The following CAMK2D variants were observed in gnomAD, a reference collection of about 807,000 sequenced individuals.
The protein encoded by CAMK2D is calcium/calmodulin dependent protein kinase II delta.
CAMK2D carries 37 observed loss-of-function variants against 84.0 expected under a neutral mutation model. The ratio of observed to expected loss-of-function variants is 0.44; its 90% CI spans 0.34 to 0.58. CAMK2D has a LOEUF of 0.58. CAMK2D is among the 20% of genes least tolerant of loss of function. The pLI is 0.02. For missense variants in CAMK2D, 448 were observed against 652.5 expected (o/e 0.69, Z 3.41); for synonymous variants, 202 against 212.5 (o/e 0.95, Z 0.43).
intron 4 of CAMK2D, among the ~76,000 whole-genome samples, chr4:113,562,771 T>C (rs1157908815): frequency 4.6e-5 from 7 of 152,246 alleles, no homozygotes; most frequent in African/African-American, 1.7e-4. Flanking sequence ...GCAACTAATT[T>C]ACTGAAACTT....
In CAMK2D at chr4:113,586,319, C is replaced by G. The variant is rs556219294; in HGVS notation, c.275+22833G>C. 7.9e-4 allele frequency among the ~76,000 whole-genome samples: 121 copies of G among 152,212 alleles called. 2 individuals are homozygous for G. In the South Asian group the frequency reaches 0.021, roughly 26 times the overall value. On this transcript the variant is annotated intron_variant, in intron 4 of 20. Transcript: ENST00000511664. ...GAGGTCACCATATTGGATAAATGTG[C>G]CTGGCAATAAAGTAGAAAAGAGGAC...
chr4:113,534,870 G>A (rs1277513901), intron 7 of CAMK2D, among the ~76,000 whole-genome samples: 1 of 152,152 alleles, frequency 6.6e-6, no homozygotes, highest in African/African-American at 2.4e-5. Context: ...TCATACAGCT[G>A]TTAAGAATCA....
chr4:113,497,472 C>T (rs1298225162), intron 16 of CAMK2D, among the ~76,000 whole-genome samples: 1 of 152,210 alleles, frequency 6.6e-6, no homozygotes, highest in Non-Finnish European at 1.5e-5. Context: ...TTCTAAGGTG[C>T]TCCAGACTGA....
chr4:113,465,597 C>G lies in CAMK2D; in HGVS notation c.1143G>C (p.Lys381Asn). 2 of 1,609,640 alleles carry G rather than the reference C, an allele frequency of 1.2e-6. No homozygotes were observed. Among genetic ancestry groups the G allele is most frequent in the Non-Finnish European group, 1.7e-6 (2 of 1,176,186 alleles). Residue 381 changes from lysine (K) to asparagine (N), a missense_variant, in exon 17 of 21, where the codon AAG becomes AAC. Lys to Asn is a moderately conservative substitution (Grantham distance 94, BLOSUM62 0). Coordinates refer to ENST00000511664, the MANE Select transcript of CAMK2D (RefSeq NM_001321571.2). ...TIEDEDVKAR[K>N]QEIIKVTEQL... Reference sequence around the variant, plus strand: ...GTTCAGTGACTTTGATAATCTCTTGCTTTCGTGCTAAAGGCAAAAATATGG... The same window carrying G: ...GTTCAGTGACTTTGATAATCTCTTGGTTTCGTGCTAAAGGCAAAAATATGG...
chr4:113,731,817 CT>C (rs1306344836), intron 2 of CAMK2D, among the ~76,000 whole-genome samples: 1 of 152,096 alleles, frequency 6.6e-6, no homozygotes, highest in African/African-American at 2.4e-5. Flanking sequence ...AACTCCTGAC[CT>C]CATGATCCGC....
chr4:113,755,177 C>T (rs1406210421), intron 2 of CAMK2D: 9 of 205,062 alleles, frequency 4.4e-5, no homozygotes, highest in Non-Finnish European at 6.4e-5. Context: ...TAGGGATACA[C>T]ACACACACAC....
Position 113,661,907 on chromosome 4 carries a change from A to C in CAMK2D, c.161-135T>G. On this transcript the variant is annotated intron_variant, in intron 2 of 20. Transcript: ENST00000511664. ...TTCATTTTGAAACAATGATAATTCA[A>C]ATTTAGAATTAAGTGAATAGCACAT... 5.1e-6 allele frequency: 3 copies of C among 589,812 alleles called. No homozygotes were observed. The South Asian group carries it at 6.9e-5, about 14-fold the overall frequency. 36.5% of individuals were successfully genotyped at this position (589,812 alleles called of 1,614,324 possible).
At chr4:113,703,107 A>G (rs943334680) in intron 2 of CAMK2D, among the ~76,000 whole-genome samples, 2 of 152,192 alleles carry the variant, frequency 1.3e-5, no homozygotes, top group African/African-American at 4.8e-5. Context: ...TTGTTCATTT[A>G]AACAGTACTC....
intron 4 of CAMK2D, among the ~76,000 whole-genome samples, chr4:113,581,841 T>C (rs908076231): frequency 6.6e-6 from 1 of 152,136 alleles, no homozygotes; most frequent in Admixed American, 6.5e-5. Context: ...ACACCAGCTA[T>C]ATTAAGTAAA....
chr4:113,726,669 G>C (rs1328288607), intron 2 of CAMK2D, among the ~76,000 whole-genome samples: 3 of 151,984 alleles, frequency 2.0e-5, no homozygotes, highest in African/African-American at 7.3e-5. Context: ...GCCTCCCAAA[G>C]TGCTGGGATT....
intron 5 of CAMK2D, among the ~76,000 whole-genome samples, chr4:113,549,754 A>G (rs2098610072): frequency 6.6e-6 from 1 of 152,230 alleles, no homozygotes. Context: ...AATGTATAAA[A>G]TAATATTATT....
intron 6 of CAMK2D, among the ~76,000 whole-genome samples, chr4:113,538,191 T>C (rs1329832081): frequency 6.6e-6 from 1 of 152,156 alleles, no homozygotes; most frequent in Non-Finnish European, 1.5e-5. Flanking sequence ...ATGAGAAAGA[T>C]ATATTTTTAT....
intron 2 of CAMK2D, among the ~76,000 whole-genome samples, chr4:113,758,131 T>A (rs1020188205): frequency 6.6e-6 from 1 of 152,154 alleles, no homozygotes; most frequent in Non-Finnish European, 1.5e-5. Context: ...TGTTAAAACC[T>A]TTCTGTGGAG....
chr4:113,468,642 G>C (rs2097507206), intron 16 of CAMK2D, among the ~76,000 whole-genome samples: 1 of 152,190 alleles, frequency 6.6e-6, no homozygotes. Context: ...CAGCAGTGAG[G>C]TTGAGGAACA....
intron 17 of CAMK2D, among the ~76,000 whole-genome samples, chr4:113,464,451 ATTATG>A (rs1338738612): frequency 6.6e-6 from 1 of 152,176 alleles, no homozygotes; most frequent in Non-Finnish European, 1.5e-5. Context: ...GTATAATCAT[ATTATG>A]TTCTCATTTA....
chr4:113,492,456 G>A (rs929828474), intron 16 of CAMK2D, among the ~76,000 whole-genome samples: 23 of 152,214 alleles, frequency 1.5e-4, no homozygotes, highest in Admixed American at 2.0e-4. Flanking sequence ...GCGGTTTTGA[G>A]TGAGATTCTT....
At chr4:113,566,630 C>T (rs2098725360) in intron 4 of CAMK2D, among the ~76,000 whole-genome samples, 1 of 152,164 alleles carries the variant, frequency 6.6e-6, no homozygotes, top group Non-Finnish European at 1.5e-5. Flanking sequence ...TATTTCATAT[C>T]CTTGCACCCT....
intron 16 of CAMK2D, among the ~76,000 whole-genome samples, chr4:113,494,849 G>A (rs564421507): frequency 2.0e-4 from 30 of 152,288 alleles, no homozygotes; most frequent in South Asian, 1.9e-3. Context: ...CTGGTGCGCC[G>A]TTTTTTAAGC....
chr4:113,658,976 G>A (rs1247702961), intron 3 of CAMK2D, among the ~76,000 whole-genome samples: 1 of 152,158 alleles, frequency 6.6e-6, no homozygotes, highest in South Asian at 2.1e-4. Context: ...GCAAAAAGAT[G>A]TACACTGTGT....
Sources: allele counts gnomAD v4.1 joint callset (sites outside exome capture counted in the v4.1 genomes callset), GRCh38; gene constraint gnomAD v4.1.1; transcripts MANE v1.5; gene names NCBI Gene and HGNC (gene_info 2026-07-23, HGNC 2026-07-21).